The following CFI variants were observed in gnomAD, a reference collection of about 807,000 sequenced individuals.
The protein encoded by CFI is complement factor I, also known as C3B/C4B inactivator.
Under a neutral mutation model 78.8 loss-of-function variants are expected in CFI, and 66 were observed. The observed-to-expected ratio is 0.84, with a 90% CI of 0.69 to 1.03. The LOEUF is 1.03. CFI is among the 50% of genes least tolerant of loss of function. The pLI, the probability that CFI is intolerant of heterozygous loss-of-function variation, is 0.00. For synonymous variants in CFI, 250 were observed against 232.6 expected (o/e 1.07, Z -0.68); for missense variants, 706 against 704.5 (o/e 1.00, Z -0.02).
At chr4:109,736,325 G>A (rs1039626853), downstream of CFI, among the ~76,000 whole-genome samples, 1 of 152,068 alleles carries the variant, frequency 6.6e-6, no homozygotes, top group African/African-American at 2.4e-5. Context: ...GCCTAATACA[G>A]GAAAGCTTAC....
downstream of CFI, among the ~76,000 whole-genome samples, chr4:109,738,912 A>G (rs1390496351): frequency 1.3e-5 from 2 of 152,214 alleles, no homozygotes; most frequent in Non-Finnish European, 2.9e-5. Flanking sequence ...TGGATGAAAA[A>G]TCTGGGCAGC....
At chr4:109,785,605 C>G (rs1049951849) in intron 1 of CFI, among the ~76,000 whole-genome samples, 2 of 152,026 alleles carry the variant, frequency 1.3e-5, no homozygotes. Context: ...GATTCCATCT[C>G]CTCTAGCTGC....
chr4:109,746,961 T>G (rs1314087023), intron 10 of CFI, among the ~76,000 whole-genome samples: 2 of 152,180 alleles, frequency 1.3e-5, no homozygotes, highest in Non-Finnish European at 2.9e-5. Flanking sequence ...AAGACTAACT[T>G]TATCCTAACA....
chr4:109,780,673 T>G (rs1036696170), intron 1 of CFI, among the ~76,000 whole-genome samples: 4 of 152,196 alleles, frequency 2.6e-5, no homozygotes, highest in Non-Finnish European at 5.9e-5. Context: ...TTATAAATCA[T>G]GCTGATATAA....
chr4:109,766,187 A>G (rs1727729116), intron 2 of CFI, among the ~76,000 whole-genome samples: 2 of 152,140 alleles, frequency 1.3e-5, no homozygotes, highest in African/African-American at 4.8e-5. Flanking sequence ...ACTAGACTAC[A>G]TGTGAGTACC....
intron 10 of CFI, among the ~76,000 whole-genome samples, chr4:109,747,651 T>A (rs866659026): frequency 6.6e-6 from 1 of 152,224 alleles, no homozygotes; most frequent in Non-Finnish European, 1.5e-5. Flanking sequence ...GGATTTTTCT[T>A]AAGCAATAAA....
chr4:109,800,328 T>G (rs1157757725), intron 1 of CFI, among the ~76,000 whole-genome samples: 2 of 128,960 alleles, frequency 1.6e-5, no homozygotes, highest in Non-Finnish European at 3.3e-5. Context: ...TCTGTTTTTT[T>G]TTTTTTTTTT....
At position 109,749,072 on chromosome 4, in the gene CFI, A is replaced by AG. The variant is rs1331807136; in HGVS notation, c.1148+145dup. 3.7e-6 allele frequency: 3 copies of AG among 814,840 alleles called. No homozygotes were observed. In the African/African-American group the frequency reaches 5.0e-5, roughly 14 times the overall value. The allele number at this position is 814,840 out of a possible 1,614,324, so 50.5% of individuals were successfully genotyped here. ...CTACGGGATTAGCCTCTGGAATTCC[A>AG]GTCGCGAATACCAGAGGATACTTTG... is the stretch of plus-strand genomic sequence containing the variant. On this transcript the variant is annotated intron_variant, in intron 10 of 12. Coordinates refer to ENST00000394634, the MANE Select transcript of CFI (RefSeq NM_000204.5).
At chr4:109,734,953 T>C in the CFI span, among the ~76,000 whole-genome samples, 55 of 152,186 alleles carry the variant, frequency 3.6e-4, 1 homozygote, top group Non-Finnish European at 2.9e-5. Context: ...CAAGACTGGC[T>C]TTCTTTTCTT....
chr4:109,801,173 T>A (rs1732728315), intron 1 of CFI, among the ~76,000 whole-genome samples: 1 of 152,194 alleles, frequency 6.6e-6, no homozygotes, highest in South Asian at 2.1e-4. Context: ...GTCATTTCAG[T>A]TTCGAGTTCC....
chr4:109,801,423 A>C (rs1205053061), intron 1 of CFI, among the ~76,000 whole-genome samples: 1 of 152,228 alleles, frequency 6.6e-6, no homozygotes, highest in East Asian at 1.9e-4. Context: ...CTCTCATTGA[A>C]GTCCTTTACC....
chr4:109,765,703 G>A lies in CFI; in HGVS notation c.328+851C>T, dbSNP rs112496135. On this transcript the variant is annotated intron_variant, in intron 2 of 12. Transcript: ENST00000394634. ...TGTAGACAAGATCTCTGGGTCTGAC[G>A]TCTGGGTTTGCTAGGTTGGAGTATG... is the stretch of plus-strand genomic sequence containing the variant. 2.2e-3 allele frequency among the ~76,000 whole-genome samples: 342 copies of A among 152,280 alleles called. 1 individual carries two copies. Among genetic ancestry groups the A allele is most frequent in the African/African-American group, 7.5e-3 (310 of 41,552 alleles).
chr4:109,751,828 T>C (rs1725180283), intron 8 of CFI, among the ~76,000 whole-genome samples: 1 of 152,228 alleles, frequency 6.6e-6, no homozygotes, highest in African/African-American at 2.4e-5. Flanking sequence ...ATGAACTTCA[T>C]TTAAAAATCC....
intron 3 of CFI, chr4:109,762,015 A>C (rs1159887886): frequency 9.7e-6 from 3 of 308,232 alleles, no homozygotes; most frequent in Non-Finnish European, 1.9e-5. Context: ...TATGGTGAAA[A>C]TCCTATCTCT....
chr4:109,798,175 C>CT (rs1732294914), intron 1 of CFI, among the ~76,000 whole-genome samples: 2 of 152,038 alleles, frequency 1.3e-5, no homozygotes, highest in African/African-American at 2.4e-5. Context: ...TTGCCAAGGA[C>CT]TGGGTGAGGG....
intron 1 of CFI, among the ~76,000 whole-genome samples, chr4:109,786,278 G>T (rs769188943): frequency 1.3e-5 from 2 of 151,910 alleles, no homozygotes; most frequent in Admixed American, 6.6e-5. Flanking sequence ...TAATCCACTC[G>T]CCTCAGCCTC....
chr4:109,765,351 A>G (rs1006753585), intron 2 of CFI, among the ~76,000 whole-genome samples: 3 of 152,248 alleles, frequency 2.0e-5, no homozygotes, highest in African/African-American at 7.2e-5. Context: ...AGTGTCTGTA[A>G]TAACTTGCTA....
intron 7 of CFI, among the ~76,000 whole-genome samples, chr4:109,756,098 A>C (rs1483487122): frequency 3.3e-5 from 5 of 152,208 alleles, no homozygotes; most frequent in Non-Finnish European, 5.9e-5. Flanking sequence ...ATAAGAATGC[A>C]TGCAAACAAA....
At chr4:109,793,057 CT>C (rs1273270813) in intron 1 of CFI, among the ~76,000 whole-genome samples, 2 of 151,994 alleles carry the variant, frequency 1.3e-5, no homozygotes, top group Non-Finnish European at 1.5e-5. Context: ...CATTACTGCC[CT>C]TTTTGTGTTT....
Sources: gnomAD v4.1 joint callset for allele counts (sites outside exome capture counted in the v4.1 genomes callset) on GRCh38, gnomAD v4.1.1 for gene constraint, MANE v1.5 for transcripts, NCBI Gene and HGNC (gene_info 2026-07-23, HGNC 2026-07-21) for gene names.